Variants in PCDH15 observed in about 807,000 individuals in gnomAD.
The protein encoded by PCDH15 is protocadherin-15.
A neutral mutation model predicts 178.5 loss-of-function variants in PCDH15; 129 were observed. That is an observed-to-expected ratio of 0.72 (90% CI 0.63 to 0.84). The LOEUF is 0.84. Among genes scored for constraint, PCDH15 ranks in the 40% least tolerant of loss-of-function variants. PCDH15 has a pLI of 0.00. For synonymous variants in PCDH15, 800 were observed against 732.0 expected, an observed-to-expected ratio of 1.09 and a Z score of -1.50; for missense variants, 2,230 against 2,099.9, an observed-to-expected ratio of 1.06 and a Z score of -1.21.
At chr10:55,351,246 TC>T in intron 2 of PCDH15, among the ~76,000 whole-genome samples, 1 of 151,640 alleles carries the variant, frequency 6.6e-6, no homozygotes, top group Non-Finnish European at 1.5e-5. Context: ...TCACTTCTCC[TC>T]CCTTTATGCG....
intron 1 of PCDH15, among the ~76,000 whole-genome samples, chr10:54,749,466 A>G (rs1201876998): frequency 6.6e-6 from 1 of 152,158 alleles, no homozygotes; most frequent in Non-Finnish European, 1.5e-5. Context: ...GATAATTTAT[A>G]TCTGAAATTC....
chr10:55,484,372 A>G (rs1433446348), intron 2 of PCDH15, among the ~76,000 whole-genome samples: 2 of 151,770 alleles, frequency 1.3e-5, no homozygotes, highest in Non-Finnish European at 2.9e-5. Context: ...AATCCAAAAC[A>G]TATATGAAAA....
chr10:54,724,897 C>CAT (rs932499506), intron 1 of PCDH15, among the ~76,000 whole-genome samples: 2 of 65,786 alleles, frequency 3.0e-5, no homozygotes, highest in African/African-American at 6.1e-5. Flanking sequence ...CCAAATAGTA[C>CAT]ATATATATAT....
chr10:54,394,176 T>A (rs931760726), intron 3 of PCDH15, among the ~76,000 whole-genome samples: 32 of 151,992 alleles, frequency 2.1e-4, no homozygotes, highest in African/African-American at 7.3e-4. Flanking sequence ...GAGATAGATA[T>A]TTTTTGCCAT....
In PCDH15 at chr10:54,186,324, T is replaced by C. The variant is rs574630905; in HGVS notation, c.1306-1056A>G. 9.9e-4 allele frequency among the ~76,000 whole-genome samples: 150 copies of C among 152,116 alleles called. 1 individual carries two copies. The highest frequency in any genetic ancestry group is 3.5e-3 in the African/African-American group (144 of 41,550). On this transcript the variant is annotated intron_variant, in intron 11 of 37. Coordinates refer to ENST00000644397, the MANE Select transcript of PCDH15 (RefSeq NM_001384140.1). ...CAAGGACTGAGGCAAGAGCAAAGAA[T>C]AGAAAATTGTTAAATGTGTTTAATT...
At chr10:54,206,379 A>C (rs980548614) in intron 10 of PCDH15, among the ~76,000 whole-genome samples, 12 of 152,166 alleles carry the variant, frequency 7.9e-5, no homozygotes, top group Non-Finnish European at 1.5e-4. Flanking sequence ...CTTGGGTATA[A>C]ACAGCAAGGT....
At chr10:54,702,862 A>T (rs931730707) in intron 1 of PCDH15, among the ~76,000 whole-genome samples, 1 of 152,032 alleles carries the variant, frequency 6.6e-6, no homozygotes, top group Admixed American at 6.6e-5. Flanking sequence ...TCTATGAGTC[A>T]TGCATCATTC....
intron 1 of PCDH15, among the ~76,000 whole-genome samples, chr10:55,286,611 C>T (rs1436525420): frequency 4.0e-5 from 6 of 151,700 alleles, no homozygotes; most frequent in African/African-American, 1.5e-4. Flanking sequence ...AAACAGCAGG[C>T]AAAACATCAA....
chr10:54,235,574 C>A (rs1053699465), intron 9 of PCDH15, among the ~76,000 whole-genome samples: 3 of 152,178 alleles, frequency 2.0e-5, no homozygotes, highest in Admixed American at 6.5e-5. Flanking sequence ...AAGCAATTCT[C>A]ATAAAATGCT....
chr10:54,332,074 A>G (rs1306550306), intron 6 of PCDH15, among the ~76,000 whole-genome samples: 2 of 150,662 alleles, frequency 1.3e-5, no homozygotes, highest in Admixed American at 1.4e-4. Flanking sequence ...AATAGCTAAC[A>G]TGCTAGTGAT....
At chr10:54,435,936 C>G (rs1177673773) in intron 3 of PCDH15, among the ~76,000 whole-genome samples, 1 of 151,124 alleles carries the variant, frequency 6.6e-6, no homozygotes, top group African/African-American at 2.4e-5. Context: ...TGCCACTGCA[C>G]TCCAGCCTGG....
chr10:54,365,262 C>T (rs187641463), intron 5 of PCDH15, among the ~76,000 whole-genome samples: 10 of 152,152 alleles, frequency 6.6e-5, no homozygotes, highest in African/African-American at 9.6e-5. Context: ...CAGGGATATT[C>T]CTTCCTTGTA....
chr10:53,919,299 G>A (rs1413689582), intron 25 of PCDH15, among the ~76,000 whole-genome samples: 2 of 152,108 alleles, frequency 1.3e-5, no homozygotes, highest in African/African-American at 2.4e-5. Flanking sequence ...AAAATTCGAA[G>A]GATCTACTAC....
At chr10:55,507,113 A>T (rs959758217) in intron 2 of PCDH15, among the ~76,000 whole-genome samples, 1 of 151,646 alleles carries the variant, frequency 6.6e-6, no homozygotes, top group African/African-American at 2.4e-5. Flanking sequence ...ATTGCATAAG[A>T]TCAAAGCCAC....
intron 15 of PCDH15, among the ~76,000 whole-genome samples, chr10:54,118,260 T>C (rs540989993): frequency 1.3e-5 from 2 of 152,150 alleles, no homozygotes; most frequent in African/African-American, 4.8e-5. Context: ...CATCTGATCA[T>C]TGACAAAGTA....
intron 3 of PCDH15, among the ~76,000 whole-genome samples, chr10:54,393,893 G>A (rs917719595): frequency 7.2e-5 from 11 of 152,060 alleles, no homozygotes; most frequent in African/African-American, 2.7e-4. Context: ...TAATTTTGAT[G>A]GGCAGAAGTG....
chr10:54,954,209 CTT>C (rs1251531819), intron 2 of PCDH15, among the ~76,000 whole-genome samples: 1 of 151,272 alleles, frequency 6.6e-6, no homozygotes, highest in African/African-American at 2.4e-5. Context: ...AATTTAATCT[CTT>C]GTCTCCTAAA....
At chr10:53,893,649 C>T (rs1020509762) in intron 26 of PCDH15, among the ~76,000 whole-genome samples, 2 of 152,068 alleles carry the variant, frequency 1.3e-5, no homozygotes, top group African/African-American at 4.8e-5. Flanking sequence ...TTTACAGCAA[C>T]CTGGATGGAG....
intron 1 of PCDH15, among the ~76,000 whole-genome samples, chr10:55,238,139 T>C (rs559722708): frequency 6.7e-6 from 1 of 150,092 alleles, no homozygotes; most frequent in South Asian, 2.1e-4. Flanking sequence ...CATGCATTCA[T>C]ATTTTCTTTT....
Sources: gnomAD v4.1 joint callset for allele counts (sites outside exome capture counted in the v4.1 genomes callset) on GRCh38, gnomAD v4.1.1 for gene constraint, MANE v1.5 for transcripts, NCBI Gene and HGNC (gene_info 2026-07-23, HGNC 2026-07-21) for gene names.